OTOF: variants seen among roughly 807,000 people sequenced by gnomAD.
OTOF encodes the protein otoferlin, also known as fer-1-like family member 2.
Under a neutral mutation model 236.8 loss-of-function variants are expected in OTOF, and 218 were observed. That is an observed-to-expected ratio of 0.92 (90% CI 0.82 to 1.03). The LOEUF (loss-of-function observed/expected upper bound fraction) is 1.03. Ranked by LOEUF, OTOF falls within the 50% of genes least tolerant of loss-of-function variation. The probability of loss-of-function intolerance (pLI) is 0.00; values close to 1 mark genes in which losing one functional copy is unlikely to be tolerated. For synonymous variants in OTOF, 1,041 were observed against 1,072.5 expected, an observed-to-expected ratio of 0.97 and a Z score of 0.57; for missense variants, 2,590 against 2,694.4, an observed-to-expected ratio of 0.96 and a Z score of 0.86.
Position 26,482,419 on chromosome 2 carries a change from A to G in OTOF, c.1566T>C (p.Asn522=), listed in dbSNP as rs1665563005. Reference sequence around the variant, plus strand: ...CCCGCTGCTGACCTTTGTCTCCGTCATTAGAAATCTTGCGCAGGTCAATGA... The same window carrying G: ...CCCGCTGCTGACCTTTGTCTCCGTCGTTAGAAATCTTGCGCAGGTCAATGA... ...THFIDLRKIS[N]DGDKGFLPTL... The change falls in exon 14 of 47, where the codon AAT becomes AAC. Residue 522 remains asparagine, a synonymous_variant. Coordinates refer to ENST00000272371, the MANE Select transcript of OTOF (RefSeq NM_194248.3). 1.2e-6 allele frequency: 2 copies of G among 1,613,252 alleles called. No homozygotes were observed. Among genetic ancestry groups the G allele is most frequent in the Middle Eastern group, 1.7e-4 (1 of 6,060 alleles).
At chr2:26,515,867 A>G (rs4665866) in intron 5 of OTOF, among the ~76,000 whole-genome samples, 138,859 of 152,298 alleles carry the variant, frequency 0.91, 63,614 homozygotes, top group Middle Eastern at 0.99. Flanking sequence ...CCTGTGATCC[A>G]TAGGTGGCAG....
At chr2:26,480,389 C>A in intron 15 of OTOF, 78 bp from the exon 16 acceptor site, 2 of 902,302 alleles carry the variant, frequency 2.2e-6, no homozygotes, top group South Asian at 2.6e-5. Flanking sequence ...TTCCGTCTCA[C>A]AGACAGGCCG....
rs752276836 is a variant in OTOF, at chr2:26,464,887, C to G, written c.4942G>C (p.Glu1648Gln). 6 of 1,603,218 alleles carry G rather than the reference C, an allele frequency of 3.7e-6. No homozygotes were observed. The highest frequency in any genetic ancestry group is 5.1e-6 in the Non-Finnish European group (6 of 1,174,478). Residue 1648 changes from glutamate (E) to glutamine (Q), a missense_variant, in exon 39 of 47, where the codon GAG (glutamate) becomes CAG (glutamine). Physicochemically the swap from Glu to Gln is conservative, Grantham distance 29. Around this residue, in one of 2 missense-constraint regions of OTOF, gnomAD observed 1,211 missense variants for 1,352.8 expected, o/e 0.90. Coordinates refer to ENST00000272371, the MANE Select transcript of OTOF (RefSeq NM_194248.3). ...CCATTACCGTTCTCGTCCTCAATCTCAGAGGGCCCAGTGAAGACGCGGTTG... is the reference window on the plus strand; with the variant it reads ...CCATTACCGTTCTCGTCCTCAATCTGAGAGGGCCCAGTGAAGACGCGGTTG... ...VANRVFTGPS[E>Q]IEDENGQRKP...
At chr2:26,530,246 G>A (rs980276256) in intron 2 of OTOF, among the ~76,000 whole-genome samples, 6 of 152,086 alleles carry the variant, frequency 3.9e-5, no homozygotes, top group Admixed American at 6.5e-5. Context: ...GAACGGTGGC[G>A]GGAGGCTGAG....
At chr2:26,521,334 G>A (rs1418180162) in intron 3 of OTOF, among the ~76,000 whole-genome samples, 2 of 152,192 alleles carry the variant, frequency 1.3e-5, no homozygotes, top group South Asian at 4.1e-4. Context: ...GAACAGCCAA[G>A]GCAGCTCCCC....
chr2:26,495,553 G>A (rs187730771), intron 8 of OTOF, among the ~76,000 whole-genome samples: 26 of 152,268 alleles, frequency 1.7e-4, no homozygotes, highest in Admixed American at 1.7e-3. Flanking sequence ...AGCCTCCTGA[G>A]TAGCTGGGAT....
In OTOF at chr2:26,457,804, C is replaced by T. The variant is rs1486319101; in HGVS notation, c.*434G>A. The T allele has an allele frequency of 3.7e-6, 2 of 545,152 alleles. No individual in the cohort carries two copies. The highest frequency in any genetic ancestry group is 2.4e-5 in the South Asian group (1 of 42,140). 33.8% of individuals were successfully genotyped at this position (545,152 alleles called of 1,614,324 possible). ...GGCAAGAGAGACCCATTCCAGGTCC[C>T]CACCCCATCCAAGGCTCCCCAGCCC... On this transcript the variant is annotated 3_prime_UTR_variant, in exon 47 of 47. Transcript: ENST00000272371. This position sits in a 1 kb window ranked among gnomAD's most constrained non-coding sequence, Gnocchi z 4.4.
chr2:26,484,805 G>A (rs1665662303), intron 11 of OTOF, among the ~76,000 whole-genome samples, 172 bp from the exon 12 acceptor site: 1 of 152,196 alleles, frequency 6.6e-6, no homozygotes. Context: ...AGAGTCTGAG[G>A]TCCTCTGGAG....
intron 1 of OTOF, among the ~76,000 whole-genome samples, chr2:26,543,189 T>C (rs1667248266): frequency 1.3e-5 from 2 of 152,182 alleles, no homozygotes; most frequent in South Asian, 4.1e-4. Flanking sequence ...CAGATCGATC[T>C]GTTCCTTTTG....
In OTOF at chr2:26,461,947, C is replaced by T. The variant is rs751446219; in HGVS notation, c.5292-10G>A. 8 of 1,614,046 alleles carry T rather than the reference C, an allele frequency of 5.0e-6. No individual in the cohort carries two copies. Among genetic ancestry groups the T allele is most frequent in the Non-Finnish European group, 6.8e-6 (8 of 1,180,008 alleles). On this transcript the variant is annotated splice_polypyrimidine_tract_variant and intron_variant, in intron 42 of 46. Transcript: ENST00000272371. This position sits in a 1 kb window ranked among gnomAD's most constrained non-coding sequence, Gnocchi z 6.2. ...CTGGCCCTTCAGCCACCTGTGGGCG[C>T]CACATCTCCAGACCCGCAGCCAGGC...
chr2:26,471,753 T>C (rs1664984192), intron 30 of OTOF, among the ~76,000 whole-genome samples: 1 of 152,102 alleles, frequency 6.6e-6, no homozygotes, highest in South Asian at 2.1e-4. Context: ...CACCCACATG[T>C]ATGCACGCAT....
intron 1 of OTOF, among the ~76,000 whole-genome samples, chr2:26,545,568 A>T (rs1159388919): frequency 6.6e-6 from 1 of 152,146 alleles, no homozygotes; most frequent in Non-Finnish European, 1.5e-5. Context: ...GTTTTTAGTG[A>T]AATTTATTTC....
chr2:26,543,258 G>A (rs1242047909), intron 1 of OTOF, among the ~76,000 whole-genome samples: 2 of 152,180 alleles, frequency 1.3e-5, no homozygotes, highest in South Asian at 2.1e-4. Context: ...CTGCGTGCAG[G>A]AAAAAGCCAG....
rs574605019 is a variant in OTOF at position 26,556,748 on chromosome 2, G to C, written c.79+1745C>G. Among the ~76,000 whole-genome samples the C allele has an allele frequency of 5.3e-5, 8 of 152,270 alleles. No individual in the cohort carries two copies. In the East Asian group the frequency reaches 7.7e-4, roughly 15 times the overall value. ...GCCTCAGCTCCTCCGTGAATGCCAC[G>C]CGCAGTGTTCTACCCCTGAACCTTG... On this transcript the variant is annotated intron_variant, in intron 1 of 46. Transcript: ENST00000272371.
At chr2:26,525,893 C>T (rs547432657) in intron 3 of OTOF, among the ~76,000 whole-genome samples, 1 of 152,122 alleles carries the variant, frequency 6.6e-6, no homozygotes, top group South Asian at 2.1e-4. Flanking sequence ...TCGATACCAA[C>T]CTGGCCAACA....
intron 1 of OTOF, among the ~76,000 whole-genome samples, chr2:26,554,575 T>C (rs928963777): frequency 5.3e-5 from 8 of 152,122 alleles, no homozygotes; most frequent in Non-Finnish European, 7.4e-5. Flanking sequence ...AAAGTACTAC[T>C]CCTTCATGGA....
At position 26,489,313 on chromosome 2, in the gene OTOF, A is replaced by G. The variant is rs748001144; in HGVS notation, c.961-18T>C. Reference sequence around the variant, plus strand: ...TGAATCACCTTTCAGGCAGAACCACAGCCCACCCGTCAGGCCCAGCAAGGG... The same window carrying G: ...TGAATCACCTTTCAGGCAGAACCACGGCCCACCCGTCAGGCCCAGCAAGGG... On this transcript the variant is annotated intron_variant, in intron 10 of 46. Transcript: ENST00000272371. The G allele has an allele frequency of 3.1e-5, 50 of 1,598,240 alleles. No individual in the cohort carries two copies. The highest frequency in any genetic ancestry group is 1.7e-4 in the Admixed American group (10 of 59,434).
Position 26,477,470 on chromosome 2 carries a change from G to A in OTOF, c.2352C>T (p.His784=). ...FLSLADKDQG[H]SSRTRLDRER... is the part of the protein sequence containing the mutation. ...CCCGGTCAAGCCTGGTGCGGGATGA[G>A]TGGCCCTGGTCCTTGTCAGCGAGGG... Residue 784 remains histidine (H), a synonymous_variant, in exon 20 of 47, where the codon CAC becomes CAT. Coordinates refer to ENST00000272371, the MANE Select transcript of OTOF (RefSeq NM_194248.3). The surrounding 1 kb of genome is among the most constrained non-coding windows in gnomAD (Gnocchi z 4.7). The A allele has an allele frequency of 2.5e-6, 4 of 1,603,908 alleles. No homozygotes were observed. The highest frequency in any genetic ancestry group is 3.4e-6 in the Non-Finnish European group (4 of 1,176,070).
rs1203018243 is a variant in OTOF at position 26,481,009 on chromosome 2, C to A, written c.1580G>T (p.Gly527Val). 1.2e-6 allele frequency: 2 copies of A among 1,611,850 alleles called. No individual in the cohort carries two copies. Among genetic ancestry groups the A allele is most frequent in the African/African-American group, 2.7e-5 (2 of 74,910 alleles). Reference sequence around the variant, plus strand: ...GGCTGGGCCCAGTGTGGGCAGGAAGCCTGTGGCAGTGGGAACAAAAATGAG... The same window carrying A: ...GGCTGGGCCCAGTGTGGGCAGGAAGACTGTGGCAGTGGGAACAAAAATGAG... ...LRKISNDGDK[G>V]FLPTLGPAWV... Residue 527 changes from glycine (G) to valine (V), a missense_variant and splice_region_variant, in exon 15 of 47, where the codon GGC becomes GTC. Gly to Val is a moderately radical substitution (Grantham distance 109). Coordinates refer to ENST00000272371, the MANE Select transcript of OTOF (RefSeq NM_194248.3).
Sources: allele counts gnomAD v4.1 joint callset (sites outside exome capture counted in the v4.1 genomes callset), GRCh38; gene constraint gnomAD v4.1.1; regional missense constraint gnomAD v4.1.1; non-coding constraint Gnocchi (gnomAD v3.1); transcripts MANE v1.5; gene names NCBI Gene and HGNC (gene_info 2026-07-23, HGNC 2026-07-21).